Variants in HMMR observed in about 807,000 individuals in gnomAD.
HMMR encodes hyaluronan mediated motility receptor.
Under a neutral mutation model 101.0 loss-of-function variants are expected in HMMR, and 108 were observed. That is an observed-to-expected ratio of 1.07 (90% confidence interval 0.92 to 1.25). The LOEUF (loss-of-function observed/expected upper bound fraction) is 1.25, where lower values mean the gene tolerates loss of function less well. Ranked by LOEUF, HMMR falls within the 50% of genes most tolerant of loss-of-function variation. The probability of loss-of-function intolerance (pLI) is 0.00; values close to 1 mark genes in which losing one functional copy is unlikely to be tolerated. For missense variants in HMMR, 813 were observed against 788.7 expected, an observed-to-expected ratio of 1.03 and a Z score of -0.37; for synonymous variants, 296 against 276.4, an observed-to-expected ratio of 1.07 and a Z score of -0.70.
At chr5:163,479,295 T>C (rs548569144) in intron 12 of HMMR, among the ~76,000 whole-genome samples, 1 of 152,360 alleles carries the variant, frequency 6.6e-6, no homozygotes, top group South Asian at 2.1e-4. Flanking sequence ...ATTCTATCAT[T>C]TTGTTTTCTC....
At position 163,473,223 on chromosome 5, in the gene HMMR, A is replaced by G; in HGVS notation, c.695A>G (p.Glu232Gly). The G allele has an allele frequency of 6.3e-7, 1 of 1,579,988 alleles. No homozygotes were observed. The highest frequency in any genetic ancestry group is 1.4e-5 in the African/African-American group (1 of 74,040). Reference protein sequence around the residue: ...KEKIDEKSETEKLLEYIEEIS... With the variant: ...KEKIDEKSETGKLLEYIEEIS... ...AAGATTGATGAAAAATCTGAAACAGAAAAACTCTTGGAATACATCGAAGAA... is the reference window on the plus strand; with the variant it reads ...AAGATTGATGAAAAATCTGAAACAGGAAAACTCTTGGAATACATCGAAGAA... The change falls in exon 8 of 18, where the codon GAA becomes GGA. Residue 232 changes from glutamate (E) to glycine (G), a missense_variant. Coordinates refer to ENST00000393915, the MANE Select transcript of HMMR (RefSeq NM_001142556.2).
intron 4 of HMMR, among the ~76,000 whole-genome samples, chr5:163,468,993 T>G (rs1004282907): frequency 6.6e-6 from 1 of 152,158 alleles, no homozygotes; most frequent in African/African-American, 2.4e-5. Flanking sequence ...TAAAAAACAT[T>G]TAGCATTTTA....
At chr5:163,486,351 C>T (rs531982009) in intron 16 of HMMR, among the ~76,000 whole-genome samples, 1 of 152,192 alleles carries the variant, frequency 6.6e-6, no homozygotes, top group East Asian at 1.9e-4. Context: ...TTTTCCACTT[C>T]TCTTGTTAAA....
intron 5 of HMMR, 80 bp from the exon 6 acceptor site, chr5:163,471,105 A>AGG: frequency 1.2e-6 from 1 of 862,208 alleles, no homozygotes; most frequent in South Asian, 1.6e-5. Context: ...AGTGATAGGT[A>AGG]GAAAAATCAA....
intron 12 of HMMR, 53 bp from the exon 13 acceptor site, chr5:163,482,589 T>G: frequency 2.3e-6 from 3 of 1,291,688 alleles, no homozygotes; most frequent in Non-Finnish European, 3.3e-6. Flanking sequence ...CAGTTATGAT[T>G]GTCATACGCA....
Position 163,473,158 on chromosome 5 carries a change from CAT to C in HMMR, c.651-18_651-17del, listed in dbSNP as rs1253760429. On this transcript the variant is annotated intron_variant, in intron 7 of 17. Transcript: ENST00000393915. ...AAATAACGAAACTAGAATGTATTAA[CAT>C]ATGCAATTTTTGTTTTAGTGTTTCA... The C allele has an allele frequency of 1.6e-6, 2 of 1,213,462 alleles. No homozygotes were observed. The highest frequency in any genetic ancestry group is 2.4e-6 in the Non-Finnish European group (2 of 824,682). The allele number at this position is 1,213,462 out of a possible 1,614,324, so 75.2% of individuals were successfully genotyped here. A position where few individuals can be genotyped will look rare whatever the true frequency, so the allele number is the denominator to read the frequency against.
Position 163,473,232 on chromosome 5 carries a change from TG to T in HMMR, c.706del (p.Glu236AsnfsTer18). 6.3e-7 allele frequency: 1 copy of T among 1,578,404 alleles called. No homozygotes were observed. Among genetic ancestry groups the T allele is most frequent in the Non-Finnish European group, 8.7e-7 (1 of 1,150,372 alleles). ...IDEKSETEKL[L>X]EYIEEISCAS... is the part of the protein sequence containing the mutation. The stretch of plus-strand genomic sequence containing the variant: ...GAAAAATCTGAAACAGAAAAACTCT[TG>T]GAATACATCGAAGAAATTAGGTAAT... On this transcript the variant is annotated frameshift_variant, in exon 8 of 18. Transcript: ENST00000393915. LOFTEE classifies it high-confidence loss of function.
chr5:163,482,847 C>A, intron 13 of HMMR, 59 bp downstream of exon 13: 2 of 1,490,132 alleles, frequency 1.3e-6, no homozygotes, highest in Non-Finnish European at 1.9e-6. Context: ...TGAAAGCCAG[C>A]TAGTAACTGT....
At chr5:163,482,580 A>G (rs1759307647) in intron 12 of HMMR, 62 bp from the exon 13 acceptor site, 1 of 1,169,690 alleles carries the variant, frequency 8.5e-7, no homozygotes. Context: ...TAAACTAATC[A>G]GTTATGATTG....
At chr5:163,479,873 A>C (rs1182840680) in intron 12 of HMMR, among the ~76,000 whole-genome samples, 1 of 151,976 alleles carries the variant, frequency 6.6e-6, no homozygotes, top group Non-Finnish European at 1.5e-5. Context: ...CCTTCTACTT[A>C]TTTTCTCCTT....
chr5:163,465,621 T>G (rs1758678406), intron 3 of HMMR, among the ~76,000 whole-genome samples: 1 of 152,134 alleles, frequency 6.6e-6, no homozygotes, highest in African/African-American at 2.4e-5. Context: ...GTGCTGGGAT[T>G]ACAGGTGTTG....
chr5:163,467,646 C>T (rs1295202002), intron 3 of HMMR, 55 bp from the exon 4 acceptor site: 11 of 947,030 alleles, frequency 1.2e-5, no homozygotes, highest in Non-Finnish European at 1.7e-5. Flanking sequence ...ACAAATTTGG[C>T]TGTCATATCT....
rs1050716911 is a variant in HMMR at position 163,467,058 on chromosome 5, T to C, written c.226-643T>C. 8.5e-5 allele frequency among the ~76,000 whole-genome samples: 13 copies of C among 152,292 alleles called. 1 individual carries two copies. Among genetic ancestry groups the C allele is most frequent in the African/African-American group, 3.1e-4 (13 of 41,568 alleles). Reference sequence around the variant, plus strand: ...TCATGGAGTGTGAAATTAATAAACATGACACTGATGTCACCCCCACCTCCT... The same window carrying C: ...TCATGGAGTGTGAAATTAATAAACACGACACTGATGTCACCCCCACCTCCT... On this transcript the variant is annotated intron_variant, in intron 3 of 17. Transcript: ENST00000393915.
At chr5:163,482,040 C>T (rs749744294) in intron 12 of HMMR, among the ~76,000 whole-genome samples, 19 of 152,250 alleles carry the variant, frequency 1.2e-4, no homozygotes, top group South Asian at 6.2e-4. Context: ...CTCAGCCTCC[C>T]GAGTAGCTGA....
rs914313778 is a variant in HMMR, at chr5:163,466,055, A to C, written c.225+1253A>C. On this transcript the variant is annotated intron_variant, in intron 3 of 17. Transcript: ENST00000393915. ...GAAGCAGGTGGATTGCTTGAGGTCA[A>C]GAGTTCGAGACCAGCCTGACCCACA... Among the ~76,000 whole-genome samples, 6 of 151,394 alleles carry C rather than the reference A, an allele frequency of 4.0e-5. No homozygotes were observed. The East Asian group carries it at 1.2e-3, about 30-fold the overall frequency.
chr5:163,486,451 A>G (rs1759479105), intron 16 of HMMR, among the ~76,000 whole-genome samples: 3 of 152,190 alleles, frequency 2.0e-5, no homozygotes, highest in African/African-American at 4.8e-5. Flanking sequence ...TAGAAATACA[A>G]TTGATTTTAA....
intron 16 of HMMR, among the ~76,000 whole-genome samples, chr5:163,487,965 C>T (rs903991766): frequency 6.6e-6 from 1 of 152,074 alleles, no homozygotes; most frequent in Non-Finnish European, 1.5e-5. Flanking sequence ...AGGTGATCCT[C>T]CCACCTCAGC....
intron 12 of HMMR, 132 bp downstream of exon 12, chr5:163,478,932 G>A (rs770399765): frequency 7.0e-6 from 4 of 571,402 alleles, no homozygotes; most frequent in Admixed American, 6.1e-5. Context: ...ATCACCAACC[G>A]TAAGTGGGCA....
chr5:163,480,977 C>T (rs1447986509), intron 12 of HMMR, among the ~76,000 whole-genome samples: 1 of 152,096 alleles, frequency 6.6e-6, no homozygotes, highest in African/African-American at 2.4e-5. Context: ...TTTTGCTTCT[C>T]ATTTAAGAAC....
Sources: gnomAD v4.1 joint callset for allele counts (sites outside exome capture counted in the v4.1 genomes callset) on GRCh38, gnomAD v4.1.1 for gene constraint, MANE v1.5 for transcripts, NCBI Gene and HGNC (gene_info 2026-07-23, HGNC 2026-07-21) for gene names.